The following IGFBP2 variants were observed in gnomAD, a reference collection of about 807,000 sequenced individuals.
The protein encoded by IGFBP2 is insulin-like growth factor-binding protein 2.
Under a neutral mutation model 26.2 loss-of-function variants are expected in IGFBP2, and 12 were observed. That is an observed-to-expected ratio of 0.46 (90% CI 0.29 to 0.74). IGFBP2 has a LOEUF of 0.74. Ranked by LOEUF, IGFBP2 falls within the 30% of genes least tolerant of loss-of-function variation. The pLI, the probability that IGFBP2 is intolerant of heterozygous loss-of-function variation, is 0.09. For missense variants in IGFBP2, 328 were observed against 441.2 expected (o/e 0.74, Z 2.30); for synonymous variants, 189 against 200.6 (o/e 0.94, Z 0.49).
In IGFBP2 at chr2:216,661,929, C is replaced by T; in HGVS notation, c.744C>T (p.Gly248=). 1 of 1,614,180 alleles carries T rather than the reference C, an allele frequency of 6.2e-7. No homozygotes were observed. The highest frequency in any genetic ancestry group is 2.2e-5 in the East Asian group (1 of 44,874). The change falls in exon 3 of 4, where the codon GGC becomes GGT. Residue 248 remains glycine, a synonymous_variant. Coordinates refer to ENST00000233809, the MANE Select transcript of IGFBP2 (RefSeq NM_000597.3). ...ISTMRLPDER[G]PLEHLYSLHI... ...CCATGCGCCTTCCGGATGAGCGGGG[C>T]CCTCTGGAGCACCTCTACTCCCTGC... is the stretch of plus-strand genomic sequence containing the variant.
intron 1 of IGFBP2, among the ~76,000 whole-genome samples, chr2:216,641,011 T>C (rs1697602603): frequency 6.6e-6 from 1 of 152,188 alleles, no homozygotes; most frequent in Non-Finnish European, 1.5e-5. Context: ...TTTGCTGTCA[T>C]ATTGACCGGG....
chr2:216,637,979 G>T (rs923783031), intron 1 of IGFBP2, among the ~76,000 whole-genome samples: 1 of 152,154 alleles, frequency 6.6e-6, no homozygotes, highest in Admixed American at 6.5e-5. Context: ...ACAAGGTCAG[G>T]AGTTTGGAGA....
At position 216,664,314 on chromosome 2, in the gene IGFBP2, C is replaced by G. The variant is rs1465164953; in HGVS notation, c.*210C>G. The G allele has an allele frequency of 4.7e-6, 2 of 421,616 alleles. No homozygotes were observed. Among genetic ancestry groups the G allele is most frequent in the East Asian group, 3.6e-5 (1 of 28,120 alleles). 26.1% of individuals were successfully genotyped at this position (421,616 alleles called of 1,614,324 possible). On this transcript the variant is annotated 3_prime_UTR_variant, in exon 4 of 4. Transcript: ENST00000233809. The surrounding 1 kb of genome is among the most constrained non-coding windows in gnomAD (Gnocchi z 4.6). ...GCCACACCTGCTCCTTCTTGCTTTC[C>G]CCGGGGGAGGAAGGGGGTTGTGGTC...
At position 216,633,471 on chromosome 2, in the gene IGFBP2, C is replaced by CG; in HGVS notation, c.-53_-52insG. ...CGCGCTCGCAGGGCCGTGCCACCTG[C>CG]CCGCCCGCCCGCTCGCTCGCTCGCC... On this transcript the variant is annotated 5_prime_UTR_variant, in exon 1 of 4. Transcript: ENST00000233809. The CG allele has an allele frequency of 2.4e-6, 1 of 424,060 alleles. No individual in the cohort carries two copies. 26.3% of individuals were successfully genotyped at this position (424,060 alleles called of 1,614,324 possible). A position where few individuals can be genotyped will look rare whatever the true frequency, so the allele number is the denominator to read the frequency against.
At chr2:216,636,847 G>C (rs2106187105) in intron 1 of IGFBP2, among the ~76,000 whole-genome samples, 1 of 149,988 alleles carries the variant, frequency 6.7e-6, no homozygotes, top group East Asian at 2.0e-4. Flanking sequence ...GTGGCCGTTT[G>C]GCCCGCTGCA....
intron 1 of IGFBP2, among the ~76,000 whole-genome samples, chr2:216,651,375 A>G (rs1009484674): frequency 2.5e-4 from 38 of 152,202 alleles, no homozygotes; most frequent in African/African-American, 8.9e-4. Flanking sequence ...TCTCTCCAAC[A>G]AAAGCTGTTT....
At position 216,633,861 on chromosome 2, in the gene IGFBP2, C is replaced by T; in HGVS notation, c.338C>T (p.Pro113Leu). 1 of 1,567,324 alleles carries T rather than the reference C, an allele frequency of 6.4e-7. No homozygotes were observed. Among genetic ancestry groups the T allele is most frequent in the Non-Finnish European group, 8.6e-7 (1 of 1,160,916 alleles). The change falls in exon 1 of 4, where the codon CCC (proline) becomes CTC (leucine). Residue 113 changes from proline (P) to leucine (L), a missense_variant. Physicochemically the swap from Pro to Leu is moderately conservative, Grantham distance 98. Transcript: ENST00000233809. ...TGCGGCCAGGGGCTGCGCTGCTATC[C>T]CCACCCGGGCTCCGAGCTGCCCCTG... is the stretch of plus-strand genomic sequence containing the variant. ...PRCGQGLRCY[P>L]HPGSELPLQA...
intron 1 of IGFBP2, among the ~76,000 whole-genome samples, chr2:216,655,805 G>T (rs1697909421): frequency 6.6e-6 from 1 of 151,838 alleles, no homozygotes; most frequent in South Asian, 2.1e-4. Flanking sequence ...TGAGGCAGGA[G>T]AATTGCTCAA....
In IGFBP2 at chr2:216,633,457, G is replaced by A. The variant is rs917054863; in HGVS notation, c.-67G>A. ...GAGGAGGCGGCTCCCGCGCTCGCAG[G>A]GCCGTGCCACCTGCCCGCCCGCCCG... On this transcript the variant is annotated 5_prime_UTR_variant, in exon 1 of 4. Transcript: ENST00000233809. 55 of 304,730 alleles carry A rather than the reference G, an allele frequency of 1.8e-4. No homozygotes were observed. The highest frequency in any genetic ancestry group is 1.2e-3 in the African/African-American group (52 of 44,098). 18.9% of individuals were successfully genotyped at this position (304,730 alleles called of 1,614,324 possible).
chr2:216,635,156 T>G (rs1697471353), intron 1 of IGFBP2, among the ~76,000 whole-genome samples: 1 of 152,144 alleles, frequency 6.6e-6, no homozygotes, highest in Non-Finnish European at 1.5e-5. Context: ...ATTGTTTTTT[T>G]CCCTGTTCTC....
Position 216,662,038 on chromosome 2 carries a change from CA to C in IGFBP2, c.813+41del, listed in dbSNP as rs756447425. 1.9e-6 allele frequency: 3 copies of C among 1,606,660 alleles called. No individual in the cohort carries two copies. The Admixed American group carries it at 5.0e-5, about 27-fold the overall frequency. On this transcript the variant is annotated intron_variant, in intron 3 of 3. Transcript: ENST00000233809. ...AGCCTGGGCCAGAGCAGCTCCTCCTCAGCCCTGGGCCCCAGATGTGCCTTGT... is the reference window on the plus strand; with the variant it reads ...AGCCTGGGCCAGAGCAGCTCCTCCTCGCCCTGGGCCCCAGATGTGCCTTGT...
chr2:216,637,914 C>G (rs368882883), intron 1 of IGFBP2, among the ~76,000 whole-genome samples: 1 of 152,180 alleles, frequency 6.6e-6, no homozygotes, highest in African/African-American at 2.4e-5. Context: ...TGGGGCCGGT[C>G]GCATTGGCTC....
intron 1 of IGFBP2, among the ~76,000 whole-genome samples, chr2:216,658,287 G>A (rs375556784): frequency 2.1e-4 from 32 of 152,194 alleles, no homozygotes; most frequent in Middle Eastern, 3.4e-3. Context: ...GAACTGTCTC[G>A]AGGCTCCTCA....
intron 3 of IGFBP2, 79 bp downstream of exon 3, chr2:216,662,077 C>G: frequency 6.7e-7 from 1 of 1,491,676 alleles, no homozygotes. Flanking sequence ...CTGCCCCACC[C>G]GCCTATGATC....
intron 1 of IGFBP2, among the ~76,000 whole-genome samples, chr2:216,642,407 T>C (rs1253210434): frequency 1.3e-5 from 2 of 150,584 alleles, no homozygotes; most frequent in Non-Finnish European, 2.9e-5. Flanking sequence ...CTGGGGTTGA[T>C]GCCATTTTCC....
At chr2:216,640,494 C>A (rs989296739) in intron 1 of IGFBP2, among the ~76,000 whole-genome samples, 1 of 152,224 alleles carries the variant, frequency 6.6e-6, no homozygotes, top group Non-Finnish European at 1.5e-5. Flanking sequence ...AGATGGCAGG[C>A]AGCCGCCAGG....
intron 1 of IGFBP2, among the ~76,000 whole-genome samples, chr2:216,648,394 T>C (rs1173933879): frequency 4.6e-5 from 7 of 152,256 alleles, no homozygotes; most frequent in Admixed American, 3.9e-4. Context: ...CTTCATGGCA[T>C]AGAGAACAGG....
chr2:216,650,742 A>G (rs762973786), intron 1 of IGFBP2, among the ~76,000 whole-genome samples: 4 of 152,216 alleles, frequency 2.6e-5, no homozygotes, highest in Non-Finnish European at 5.9e-5. Context: ...GATCTGAAAC[A>G]TCTGAGAAGG....
chr2:216,654,596 C>G (rs1223763475), intron 1 of IGFBP2, among the ~76,000 whole-genome samples: 1 of 152,230 alleles, frequency 6.6e-6, no homozygotes, highest in Non-Finnish European at 1.5e-5. Flanking sequence ...TCAACTCTTT[C>G]ATTTCCCTTC....
Sources: allele counts gnomAD v4.1 joint callset (sites outside exome capture counted in the v4.1 genomes callset), GRCh38; gene constraint gnomAD v4.1.1; non-coding constraint Gnocchi (gnomAD v3.1); transcripts MANE v1.5; gene names NCBI Gene and HGNC (gene_info 2026-07-23, HGNC 2026-07-21).